The following COBLL1 variants were observed in gnomAD, a reference collection of about 807,000 sequenced individuals.
COBLL1 encodes cordon-bleu protein-like 1.
COBLL1 carries 50 observed loss-of-function variants against 94.8 expected under a neutral mutation model. That is an observed-to-expected ratio of 0.53 (90% CI 0.42 to 0.67). COBLL1 has a LOEUF of 0.67. COBLL1 is among the 30% of genes least tolerant of loss of function. The pLI is 0.00. For missense variants in COBLL1, 1,362 were observed against 1,348.7 expected (o/e 1.01, Z -0.15); for synonymous variants, 448 against 473.8 (o/e 0.95, Z 0.71).
intron 2 of COBLL1, among the ~76,000 whole-genome samples, chr2:164,767,234 T>C (rs1031079417): frequency 1.3e-5 from 2 of 152,226 alleles, no homozygotes; most frequent in Non-Finnish European, 2.9e-5. Context: ...TTAATTTTTT[T>C]CTCACATATT....
intron 2 of COBLL1, among the ~76,000 whole-genome samples, chr2:164,759,528 C>T (rs1457800363): frequency 6.6e-6 from 1 of 151,816 alleles, no homozygotes; most frequent in African/African-American, 2.4e-5. Flanking sequence ...AGGCACAATC[C>T]ATAGATTTAG....
chr2:164,820,469 C>A (rs747236482), intron 2 of COBLL1, among the ~76,000 whole-genome samples: 2 of 152,158 alleles, frequency 1.3e-5, no homozygotes, highest in Non-Finnish European at 2.9e-5. Flanking sequence ...GATCTGCCCA[C>A]CTTGGCCTCC....
chr2:164,723,631 T>C (rs1157107893), intron 5 of COBLL1: 1 of 151,928 alleles, frequency 6.6e-6, no homozygotes, highest in Non-Finnish European at 1.5e-5. Flanking sequence ...AACTGAAACA[T>C]GTCACATGTG....
downstream of COBLL1, among the ~76,000 whole-genome samples, chr2:164,678,906 C>T (rs980072946): frequency 3.3e-5 from 5 of 152,064 alleles, no homozygotes; most frequent in South Asian, 2.1e-4. Flanking sequence ...AAATGGTCAA[C>T]GCATGTTCAT....
chr2:164,710,368 G>C (rs961067529), intron 7 of COBLL1, among the ~76,000 whole-genome samples: 6 of 152,130 alleles, frequency 3.9e-5, no homozygotes, highest in African/African-American at 1.4e-4. Flanking sequence ...GGGATTTACA[G>C]AGAATATACA....
At chr2:164,831,263 A>T (rs571593105) in intron 2 of COBLL1, among the ~76,000 whole-genome samples, 1 of 152,258 alleles carries the variant, frequency 6.6e-6, no homozygotes, top group African/African-American at 2.4e-5. Context: ...CAGAGGTTAC[A>T]GTGAACTGAG....
rs1268339498 is a variant in COBLL1, at chr2:164,680,193, G to T, written c.*5753C>A. ...AGTGCAATCGGTCACTGTAACAGGA[G>T]TGTCTCAATAATTTATTTATTGACT... On this transcript the variant is annotated 3_prime_UTR_variant, in exon 14 of 14. Coordinates refer to ENST00000652658, the MANE Select transcript of COBLL1 (RefSeq NM_001365672.2). The T allele has an allele frequency of 6.6e-6, 1 of 152,028 alleles. No homozygotes were observed. Among genetic ancestry groups the T allele is most frequent in the Non-Finnish European group, 1.5e-5 (1 of 68,000 alleles). 9.4% of individuals were successfully genotyped at this position (152,028 alleles called of 1,614,324 possible).
At chr2:164,829,020 C>T (rs1309950332) in intron 2 of COBLL1, among the ~76,000 whole-genome samples, 1 of 152,110 alleles carries the variant, frequency 6.6e-6, no homozygotes, top group Non-Finnish European at 1.5e-5. Flanking sequence ...ACCATTTTGT[C>T]ATTTTTCTCT....
At chr2:164,751,145 C>G (rs1687106492) in intron 2 of COBLL1, among the ~76,000 whole-genome samples, 1 of 152,140 alleles carries the variant, frequency 6.6e-6, no homozygotes, top group African/African-American at 2.4e-5. Flanking sequence ...GAGGTATTCT[C>G]TAACCACTCA....
chr2:164,758,090 A>C (rs997925788), intron 2 of COBLL1, among the ~76,000 whole-genome samples: 3 of 152,146 alleles, frequency 2.0e-5, no homozygotes, highest in Admixed American at 6.5e-5. Context: ...CAGACTTAAA[A>C]GAAATATCTA....
intron 2 of COBLL1, among the ~76,000 whole-genome samples, chr2:164,753,974 C>A (rs924215863): frequency 6.6e-6 from 1 of 152,018 alleles, no homozygotes; most frequent in African/African-American, 2.4e-5. Context: ...CTCAAATGAT[C>A]CACTTGCCTC....
intron 7 of COBLL1, among the ~76,000 whole-genome samples, chr2:164,709,769 C>T (rs1333903559): frequency 6.6e-6 from 1 of 151,964 alleles, no homozygotes. Context: ...GGAAAGTGAA[C>T]ATGATTGTCA....
At chr2:164,709,674 G>A (rs1422025506) in intron 7 of COBLL1, among the ~76,000 whole-genome samples, 2 of 151,936 alleles carry the variant, frequency 1.3e-5, no homozygotes, top group African/African-American at 2.4e-5. Flanking sequence ...CCAAGATTGC[G>A]CCACTGCACT....
At chr2:164,686,105 G>A (rs1037374964) in intron 13 of COBLL1, 73 bp from the exon 14 acceptor site, 9 of 675,090 alleles carry the variant, frequency 1.3e-5, no homozygotes, top group Middle Eastern at 2.5e-4. Context: ...ATTTTCAACA[G>A]TTACCACATT....
At chr2:164,776,303 A>G (rs145082074) in intron 2 of COBLL1, among the ~76,000 whole-genome samples, 1 of 152,090 alleles carries the variant, frequency 6.6e-6, no homozygotes, top group East Asian at 1.9e-4. Flanking sequence ...GGAAGCCCCA[A>G]ACTGCAGTGC....
intron 2 of COBLL1, among the ~76,000 whole-genome samples, chr2:164,792,564 T>C (rs1001672673): frequency 1.3e-5 from 2 of 152,186 alleles, no homozygotes; most frequent in African/African-American, 4.8e-5. Context: ...TTATTCATTA[T>C]GTAACCTTAA....
At chr2:164,675,966 C>A (rs577010754), downstream of COBLL1, among the ~76,000 whole-genome samples, 1 of 152,084 alleles carries the variant, frequency 6.6e-6, no homozygotes, top group East Asian at 1.9e-4. Context: ...CAACCGTGAA[C>A]TATACTGCAG....
chr2:164,785,479 G>C (rs1238509544), intron 2 of COBLL1, among the ~76,000 whole-genome samples: 3 of 152,124 alleles, frequency 2.0e-5, no homozygotes, highest in Non-Finnish European at 2.9e-5. Flanking sequence ...TAAATGAATA[G>C]AAGTAGTCAA....
intron 2 of COBLL1, among the ~76,000 whole-genome samples, chr2:164,744,204 G>A (rs1686742119): frequency 6.6e-6 from 1 of 152,096 alleles, no homozygotes; most frequent in Non-Finnish European, 1.5e-5. Context: ...TCTTTGATTA[G>A]ATAAATTACA....
Sources: gnomAD v4.1 joint callset for allele counts (sites outside exome capture counted in the v4.1 genomes callset) on GRCh38, gnomAD v4.1.1 for gene constraint, MANE v1.5 for transcripts, NCBI Gene and HGNC (gene_info 2026-07-23, HGNC 2026-07-21) for gene names.